MED13L: variants seen among roughly 807,000 people sequenced by gnomAD.
MED13L encodes mediator of RNA polymerase II transcription subunit 13-like.
Under a neutral mutation model 220.9 loss-of-function variants are expected in MED13L, and 7 were observed. The observed-to-expected ratio is 0.03, with a 90% CI of 0.02 to 0.06. The LOEUF (loss-of-function observed/expected upper bound fraction) is 0.06, where lower values mean the gene tolerates loss of function less well. MED13L is among the 10% of genes least tolerant of loss of function. MED13L has a pLI of 1.00. For synonymous variants in MED13L, 1,011 were observed against 1,015.2 expected (o/e 1.00, Z 0.08); for missense variants, 1,965 against 2,760.5 (o/e 0.71, Z 6.46).
chr12:116,080,544 T>C (rs764620401), intron 4 of MED13L, among the ~76,000 whole-genome samples: 7 of 152,130 alleles, frequency 4.6e-5, no homozygotes, highest in Non-Finnish European at 8.8e-5. Context: ...CTCAATTTCT[T>C]AGGAAATCAA....
At chr12:116,242,048 C>CTTTTT (rs767214989) in intron 1 of MED13L, among the ~76,000 whole-genome samples, 7 of 106,622 alleles carry the variant, frequency 6.6e-5, no homozygotes, top group African/African-American at 1.1e-4. Flanking sequence ...GTTCTTTTGT[C>CTTTTT]TTTTTTTTTT....
At chr12:116,035,616 G>A (rs1167307316) in intron 4 of MED13L, among the ~76,000 whole-genome samples, 1 of 151,456 alleles carries the variant, frequency 6.6e-6, no homozygotes, top group Non-Finnish European at 1.5e-5. Flanking sequence ...TTAGAGACAG[G>A]GTCTCGTTCT....
At chr12:116,169,957 C>T (rs891623600) in intron 2 of MED13L, among the ~76,000 whole-genome samples, 5 of 152,128 alleles carry the variant, frequency 3.3e-5, no homozygotes, top group South Asian at 2.1e-4. Context: ...TTCAAAGCTG[C>T]GGTGGGCTAC....
Position 115,975,182 on chromosome 12 carries a change from C to T in MED13L, c.5720G>A (p.Gly1907Glu). The change falls in exon 25 of 31, where the codon GGG (glycine) becomes GAG (glutamate). Residue 1907 changes from glycine (G) to glutamate (E), a missense_variant. Around this residue, in one of 10 missense-constraint regions of MED13L, gnomAD observed 23 missense variants for 67.1 expected, o/e 0.34. Coordinates refer to ENST00000281928, the MANE Select transcript of MED13L (RefSeq NM_015335.5). ...CAAAAATTTCTCACCTTTAAGCTCC[C>T]CATGGCCAAGACGCCCAAGTCGCCC... ...VIGRLGRLGHGELKDWSILLG... is the reference protein window; with the variant it reads ...VIGRLGRLGHEELKDWSILLG... 1 of 1,614,106 alleles carries T rather than the reference C, an allele frequency of 6.2e-7. No individual in the cohort carries two copies. The highest frequency in any genetic ancestry group is 8.5e-7 in the Non-Finnish European group (1 of 1,180,012).
At chr12:116,171,438 A>G (rs1420725276) in intron 2 of MED13L, among the ~76,000 whole-genome samples, 1 of 152,208 alleles carries the variant, frequency 6.6e-6, no homozygotes, top group Non-Finnish European at 1.5e-5. Context: ...CATGAAATAA[A>G]TTTCTGCCTA....
At chr12:116,006,815 A>G (rs771620987) in intron 11 of MED13L, 3 of 200,996 alleles carry the variant, frequency 1.5e-5, no homozygotes, top group Non-Finnish European at 3.1e-5. Context: ...CCGGCCTCTT[A>G]TAATTGTTTT....
At chr12:116,109,318 C>A (rs531306339) in intron 3 of MED13L, among the ~76,000 whole-genome samples, 2 of 151,850 alleles carry the variant, frequency 1.3e-5, no homozygotes, top group East Asian at 3.9e-4. Context: ...TTTAATTTGA[C>A]CTGACTTCAA....
chr12:116,158,856 TA>T (rs1878645063), intron 2 of MED13L, among the ~76,000 whole-genome samples: 2 of 152,144 alleles, frequency 1.3e-5, no homozygotes, highest in African/African-American at 4.8e-5. Context: ...CAGATGACAG[TA>T]AAACACAGAA....
chr12:116,254,558 G>A (rs894074093), intron 1 of MED13L, among the ~76,000 whole-genome samples: 3 of 151,990 alleles, frequency 2.0e-5, no homozygotes, highest in African/African-American at 7.3e-5. Flanking sequence ...AGACCAGCCT[G>A]GTCAACATGA....
chr12:116,187,255 A>T (rs1056163869), intron 2 of MED13L, among the ~76,000 whole-genome samples: 1 of 152,170 alleles, frequency 6.6e-6, no homozygotes. Context: ...CTCCTCTCTC[A>T]CTTACGTGTT....
chr12:116,006,672 G>A lies in MED13L; in HGVS notation c.2239-261C>T. ...GTTTTATGCCTAAGCAGTACTGGTG[G>A]CATTTGATTACAGACCTGCCATGGT... On this transcript the variant is annotated intron_variant, in intron 11 of 30. Transcript: ENST00000281928. 3 of 526,244 alleles carry A rather than the reference G, an allele frequency of 5.7e-6. No homozygotes were observed. In the South Asian group the frequency reaches 6.3e-5, roughly 11 times the overall value. 32.6% of individuals were successfully genotyped at this position (526,244 alleles called of 1,614,324 possible).
chr12:116,183,278 T>C (rs1880650565), intron 2 of MED13L, among the ~76,000 whole-genome samples: 1 of 152,220 alleles, frequency 6.6e-6, no homozygotes, highest in Non-Finnish European at 1.5e-5. Flanking sequence ...ACACAAACCA[T>C]GCTGTGGCCA....
intron 4 of MED13L, among the ~76,000 whole-genome samples, chr12:116,077,726 C>T (rs1453126750): frequency 6.6e-6 from 1 of 152,214 alleles, no homozygotes; most frequent in Non-Finnish European, 1.5e-5. Context: ...CTTACTTTCT[C>T]ACCCTATACC....
At chr12:116,120,647 A>G (rs1276977578) in intron 2 of MED13L, among the ~76,000 whole-genome samples, 1 of 152,044 alleles carries the variant, frequency 6.6e-6, no homozygotes, top group Non-Finnish European at 1.5e-5. Context: ...CAAAAAGTCT[A>G]TAAGAAAGTC....
intron 2 of MED13L, among the ~76,000 whole-genome samples, chr12:116,150,243 C>A (rs1369130035): frequency 6.6e-6 from 1 of 152,220 alleles, no homozygotes; most frequent in Non-Finnish European, 1.5e-5. Flanking sequence ...TAACTTCACA[C>A]AACATGTAAC....
chr12:116,157,606 A>G (rs1472409032), intron 2 of MED13L, among the ~76,000 whole-genome samples: 2 of 152,256 alleles, frequency 1.3e-5, no homozygotes, highest in African/African-American at 2.4e-5. Flanking sequence ...AGCACTATGC[A>G]TCCTACTACC....
chr12:116,132,053 C>T (rs923996607), intron 2 of MED13L, among the ~76,000 whole-genome samples: 2 of 151,872 alleles, frequency 1.3e-5, no homozygotes, highest in Non-Finnish European at 2.9e-5. Flanking sequence ...CCAAGGCGGG[C>T]GGATCACCTG....
intron 4 of MED13L, among the ~76,000 whole-genome samples, chr12:116,068,870 G>T (rs769108250): frequency 6.0e-5 from 9 of 150,000 alleles, no homozygotes; most frequent in Non-Finnish European, 1.2e-4. Flanking sequence ...GTGGGGGGGC[G>T]TGCATGTCCC....
chr12:116,175,854 TAGG>T (rs1462710257), intron 2 of MED13L, among the ~76,000 whole-genome samples: 1 of 152,068 alleles, frequency 6.6e-6, no homozygotes, highest in African/African-American at 2.4e-5. Context: ...ATAATAATAA[TAGG>T]AGGGTCATTA....
Sources: gnomAD v4.1 joint callset for allele counts (sites outside exome capture counted in the v4.1 genomes callset) on GRCh38, gnomAD v4.1.1 for gene constraint, gnomAD v4.1.1 regional missense constraint, MANE v1.5 for transcripts, NCBI Gene and HGNC (gene_info 2026-07-23, HGNC 2026-07-21) for gene names.